METTL8: variants seen among roughly 807,000 people sequenced by gnomAD.
METTL8 encodes tRNA N(3)-cytidine methyltransferase METTL8, mitochondrial.
In METTL8, 32 loss-of-function variants were observed where a neutral mutation model predicts 48.7. That is an observed-to-expected ratio of 0.66 (90% CI 0.50 to 0.88). METTL8 has a LOEUF of 0.88. Among genes scored for constraint, METTL8 ranks in the 40% least tolerant of loss-of-function variants. The pLI, the probability that METTL8 is intolerant of heterozygous loss-of-function variation, is 0.00. For missense variants in METTL8, 464 were observed against 474.4 expected (o/e 0.98, Z 0.20); for synonymous variants, 136 against 157.1 (o/e 0.87, Z 1.01).
At position 171,360,453 on chromosome 2, in the gene METTL8, G is replaced by GT; in HGVS notation, c.203dup (p.Asn68LysfsTer13). ...CTTCCAGAAGGACTCGCACAGCTGAGTTTTCTTTTACTTTTTTTCTGGCTG... is the reference window on the plus strand; with the variant it reads ...CTTCCAGAAGGACTCGCACAGCTGAGTTTTTCTTTTACTTTTTTTCTGGCTG... On this transcript the variant is annotated frameshift_variant, in exon 3 of 10. Transcript: ENST00000375258. LOFTEE classifies it high-confidence loss of function. The GT allele has an allele frequency of 6.2e-7, 1 of 1,613,738 alleles. No individual in the cohort carries two copies. The highest frequency in any genetic ancestry group is 2.2e-5 in the East Asian group (1 of 44,874).
intron 1 of METTL8, among the ~76,000 whole-genome samples, chr2:171,401,817 G>A (rs1267284958): frequency 7.1e-6 from 1 of 140,540 alleles, no homozygotes; most frequent in African/African-American, 2.7e-5. Context: ...TCATTGAACA[G>A]GTAAACCAAT....
intron 2 of METTL8, among the ~76,000 whole-genome samples, chr2:171,365,369 T>C (rs1427089544): frequency 1.3e-5 from 2 of 152,164 alleles, no homozygotes; most frequent in East Asian, 1.9e-4. Context: ...ATTAAATGAC[T>C]CATGAGTTCT....
At chr2:171,337,525 A>G (rs1329211851) in intron 4 of METTL8, 23 bp from the exon 5 acceptor site, 13 of 1,585,918 alleles carry the variant, frequency 8.2e-6, no homozygotes, top group Non-Finnish European at 1.0e-5. Flanking sequence ...GAACAAGCAA[A>G]TATCAAAAAA....
intron 3 of METTL8, among the ~76,000 whole-genome samples, chr2:171,354,131 G>C (rs541612739): frequency 1.6e-4 from 25 of 152,246 alleles, no homozygotes; most frequent in African/African-American, 6.0e-4. Flanking sequence ...GCTTCCTTCA[G>C]GAGCTCTTGT....
At chr2:171,428,288 A>G (rs1405110790) in intron 1 of METTL8, among the ~76,000 whole-genome samples, 1 of 152,204 alleles carries the variant, frequency 6.6e-6, no homozygotes, top group African/African-American at 2.4e-5. Flanking sequence ...GAAAGTTATT[A>G]ATATTGTGAC....
rs1686336367 is a variant in METTL8, at chr2:171,371,498, A to G, written c.144-10985T>C. Among the ~76,000 whole-genome samples the G allele has an allele frequency of 2.0e-5, 3 of 152,094 alleles. No homozygotes were observed. In the South Asian group the frequency reaches 6.2e-4, roughly 32 times the overall value. ...CAGCCTCCTGAGTAGCTGGGATTAC[A>G]GGCACGTGCCAACACACCCAGCCAA... is the stretch of plus-strand genomic sequence containing the variant. On this transcript the variant is annotated intron_variant, in intron 2 of 9. Transcript: ENST00000375258.
At chr2:171,412,265 A>G (rs1280374997) in intron 1 of METTL8, among the ~76,000 whole-genome samples, 2 of 152,104 alleles carry the variant, frequency 1.3e-5, no homozygotes, top group African/African-American at 4.8e-5. Context: ...CCCTCTGTCA[A>G]TTACAAAATG....
At chr2:171,415,441 C>T (rs1004918128) in intron 1 of METTL8, among the ~76,000 whole-genome samples, 2 of 149,948 alleles carry the variant, frequency 1.3e-5, no homozygotes, top group Non-Finnish European at 3.0e-5. Flanking sequence ...CAACCTCTGC[C>T]ACCCGGGTTC....
intron 1 of METTL8, among the ~76,000 whole-genome samples, chr2:171,423,793 T>C (rs1314120516): frequency 6.6e-6 from 1 of 152,150 alleles, no homozygotes; most frequent in Non-Finnish European, 1.5e-5. Context: ...GAAAAACCCA[T>C]ATTCTGGGGA....
intron 1 of METTL8, among the ~76,000 whole-genome samples, chr2:171,432,716 T>G (rs1030260090): frequency 6.6e-6 from 1 of 152,192 alleles, no homozygotes; most frequent in African/African-American, 2.4e-5. Context: ...AAAAGAGATA[T>G]GGCCAATGTT....
At chr2:171,376,687 GAA>G (rs1687002327) in intron 2 of METTL8, among the ~76,000 whole-genome samples, 1 of 152,076 alleles carries the variant, frequency 6.6e-6, no homozygotes, top group South Asian at 2.1e-4. Context: ...AAACACTGCT[GAA>G]AGAAATCACA....
chr2:171,417,650 A>G (rs1221974834), intron 1 of METTL8, among the ~76,000 whole-genome samples: 1 of 152,226 alleles, frequency 6.6e-6, no homozygotes, highest in East Asian at 1.9e-4. Context: ...CTTCTTAATT[A>G]CTAAGTTGTG....
chr2:171,388,498 T>A (rs1688287582), intron 2 of METTL8, among the ~76,000 whole-genome samples: 1 of 152,180 alleles, frequency 6.6e-6, no homozygotes, highest in African/African-American at 2.4e-5. Context: ...TGCCTTATAT[T>A]TCCTCATCTC....
intron 7 of METTL8, 118 bp downstream of exon 7, chr2:171,330,440 CA>C: frequency 1.1e-6 from 1 of 940,250 alleles, no homozygotes; most frequent in South Asian, 1.7e-5. Context: ...GTGTATTATA[CA>C]TAATGTTGCT....
intron 2 of METTL8, among the ~76,000 whole-genome samples, chr2:171,367,808 T>C (rs1298732516): frequency 6.6e-6 from 1 of 152,214 alleles, no homozygotes. Flanking sequence ...TTATGCTAGG[T>C]GGCACAACAT....
chr2:171,336,863 C>CTTTTTTTT (rs71013037), intron 5 of METTL8, among the ~76,000 whole-genome samples: 6 of 88,106 alleles, frequency 6.8e-5, no homozygotes, highest in Non-Finnish European at 1.1e-4. Context: ...ATCACTTCCT[C>CTTTTTTTT]TTTTTTTTTT....
At chr2:171,333,487 A>G (rs151326157) in intron 5 of METTL8, among the ~76,000 whole-genome samples, 1 of 152,342 alleles carries the variant, frequency 6.6e-6, no homozygotes, top group African/African-American at 2.4e-5. Flanking sequence ...TTTGCATTCA[A>G]TTTAAGATCT....
intron 2 of METTL8, among the ~76,000 whole-genome samples, chr2:171,379,210 T>C (rs890279601): frequency 9.9e-5 from 15 of 152,036 alleles, no homozygotes; most frequent in Admixed American, 2.6e-4. Context: ...TTAAAACCAG[T>C]GAGAACAAAG....
intron 2 of METTL8, chr2:171,375,404 G>T (rs1686860064): frequency 1.6e-6 from 1 of 609,182 alleles, no homozygotes; most frequent in South Asian, 2.0e-5. Context: ...TTCCAAAATG[G>T]TTATACCATT....
Sources: allele counts gnomAD v4.1 joint callset (sites outside exome capture counted in the v4.1 genomes callset), GRCh38; gene constraint gnomAD v4.1.1; transcripts MANE v1.5; gene names NCBI Gene and HGNC (gene_info 2026-07-23, HGNC 2026-07-21).